The following TMEM245 variants were observed in gnomAD, a reference collection of about 807,000 sequenced individuals.
The protein encoded by TMEM245 is protein CG-2.
In TMEM245, 69 loss-of-function variants were observed where a neutral mutation model predicts 101.2. The ratio of observed to expected loss-of-function variants is 0.68; its 90% CI spans 0.56 to 0.83. The LOEUF (loss-of-function observed/expected upper bound fraction) is 0.83, where lower values mean the gene tolerates loss of function less well. Among genes scored for constraint, TMEM245 ranks in the 40% least tolerant of loss-of-function variants. The pLI, the probability that TMEM245 is intolerant of heterozygous loss-of-function variation, is 0.00. For missense variants in TMEM245, 1,075 were observed against 1,092.8 expected, an observed-to-expected ratio of 0.98 and a Z score of 0.23; for synonymous variants, 537 against 449.8, an observed-to-expected ratio of 1.19 and a Z score of -2.45.
intron 3 of TMEM245, among the ~76,000 whole-genome samples, 167 bp from the exon 4 acceptor site, chr9:109,093,758 G>T (rs914500056): frequency 3.3e-5 from 5 of 152,190 alleles, no homozygotes; most frequent in African/African-American, 1.2e-4. Flanking sequence ...TGACATGAAA[G>T]TGTGCTAAAA....
chr9:109,020,438 A>C lies in TMEM245; in HGVS notation c.*22T>G, dbSNP rs771719970. On this transcript the variant is annotated 3_prime_UTR_variant, in exon 18 of 18. Transcript: ENST00000374586. ...CTGTCAAATTTGAACTTCCTAGAAA[A>C]ATCACTGCAGAGGAAACCACATCAA... 2.5e-6 allele frequency: 4 copies of C among 1,613,306 alleles called. No individual in the cohort carries two copies. In the East Asian group the frequency reaches 8.9e-5, roughly 36 times the overall value.
At chr9:109,077,695 CTTTT>C (rs1205441772) in intron 8 of TMEM245, among the ~76,000 whole-genome samples, 2 of 152,158 alleles carry the variant, frequency 1.3e-5, no homozygotes, top group Admixed American at 6.5e-5. Flanking sequence ...AGCAATATTT[CTTTT>C]TGACAATCTA....
In TMEM245 at chr9:109,093,624, TA is replaced by T. The variant is rs746192375; in HGVS notation, c.800-34del. The stretch of plus-strand genomic sequence containing the variant: ...AGAAGCATCCATTTTCAAAACTCTT[TA>T]AAGTAGGAAATAATGGCTGCAAATT... On this transcript the variant is annotated intron_variant, in intron 3 of 17. Transcript: ENST00000374586. The T allele has an allele frequency of 3.9e-6, 6 of 1,553,250 alleles. No individual in the cohort carries two copies. The African/African-American group carries it at 8.1e-5, about 21-fold the overall frequency.
chr9:109,100,753 A>C (rs1371879199), intron 3 of TMEM245, among the ~76,000 whole-genome samples: 1 of 152,244 alleles, frequency 6.6e-6, no homozygotes, highest in East Asian at 1.9e-4. Flanking sequence ...TGAAGATACC[A>C]TCTATCTTAC....
intron 9 of TMEM245, among the ~76,000 whole-genome samples, chr9:109,070,119 A>G (rs1278041006): frequency 6.6e-6 from 1 of 152,106 alleles, no homozygotes; most frequent in African/African-American, 2.4e-5. Context: ...ACCTCCAGAC[A>G]TCCTCTCTGT....
intron 3 of TMEM245, among the ~76,000 whole-genome samples, chr9:109,100,209 CAAG>C (rs1409610764): frequency 2.0e-5 from 3 of 152,252 alleles, no homozygotes; most frequent in African/African-American, 4.8e-5. Context: ...ACAACTGATG[CAAG>C]AAGGATGAGT....
At chr9:109,106,684 A>C (rs1017335263) in intron 2 of TMEM245, 75 bp from the exon 3 acceptor site, 2 of 1,087,608 alleles carry the variant, frequency 1.8e-6, no homozygotes, top group Non-Finnish European at 2.7e-6. Flanking sequence ...TCAGTTTTGT[A>C]GTTTGACAGA....
chr9:109,079,780 GA>G lies in TMEM245; in HGVS notation c.1449+1058del, dbSNP rs796106627. On this transcript the variant is annotated intron_variant, in intron 8 of 17. Coordinates refer to ENST00000374586, the MANE Select transcript of TMEM245 (RefSeq NM_032012.4). ...TAGAAGTGTAGAAGAGAGGAGAAAG[GA>G]AAAAAAAAGACCATACTAATGAAAG... is the stretch of plus-strand genomic sequence containing the variant. 2.0e-3 allele frequency among the ~76,000 whole-genome samples: 299 copies of G among 147,998 alleles called. 3 individuals carry two copies. Among genetic ancestry groups the G allele is most frequent in the African/African-American group, 6.8e-3 (274 of 40,408 alleles).
intron 17 of TMEM245, among the ~76,000 whole-genome samples, chr9:109,027,411 G>T (rs1420881855): frequency 1.3e-5 from 2 of 152,124 alleles, no homozygotes; most frequent in Admixed American, 1.3e-4. Flanking sequence ...AAATGAGGGT[G>T]GGCATCCATC....
chr9:109,020,962 G>C (rs944085544), intron 17 of TMEM245, among the ~76,000 whole-genome samples: 1 of 152,208 alleles, frequency 6.6e-6, no homozygotes, highest in Non-Finnish European at 1.5e-5. Context: ...ATCCAACAGA[G>C]AGTCCAAGCT....
chr9:109,095,915 T>C (rs765266178), intron 3 of TMEM245, among the ~76,000 whole-genome samples: 6 of 152,190 alleles, frequency 3.9e-5, no homozygotes, highest in African/African-American at 1.2e-4. Context: ...AGGGGACCTA[T>C]AACGTATGGA....
Position 109,080,880 on chromosome 9 carries a change from C to T in TMEM245, c.1408G>A (p.Val470Met). 6.2e-7 allele frequency: 1 copy of T among 1,610,350 alleles called. No individual in the cohort carries two copies. Among genetic ancestry groups the T allele is most frequent in the African/African-American group, 1.3e-5 (1 of 74,902 alleles). Residue 470 changes from valine to methionine, a missense_variant, in exon 8 of 18, where the codon GTG (valine) becomes ATG (methionine). Physicochemically the swap from Val to Met is conservative, Grantham distance 21. Around this residue, in one of 2 missense-constraint regions of TMEM245, gnomAD observed 808 missense variants for 741.5 expected, o/e 1.09. Coordinates refer to ENST00000374586, the MANE Select transcript of TMEM245 (RefSeq NM_032012.4). Reference sequence around the variant, plus strand: ...AGGGCTAAAAGAAGAGTTCCTATCACTAACAAAAATATGATGAAAATGCTA... The same window carrying T: ...AGGGCTAAAAGAAGAGTTCCTATCATTAACAAAAATATGATGAAAATGCTA... Reference protein sequence around the residue: ...IISIFIIFLLVIGTLLLALLL... With the variant: ...IISIFIIFLLMIGTLLLALLL...
At chr9:109,118,729 C>A (rs1294537560) in intron 1 of TMEM245, among the ~76,000 whole-genome samples, 1 of 152,232 alleles carries the variant, frequency 6.6e-6, no homozygotes, top group East Asian at 1.9e-4. Flanking sequence ...GAAGCACAGG[C>A]AGCTCAGCAC....
At chr9:109,039,927 A>C (rs571547387) in intron 14 of TMEM245, among the ~76,000 whole-genome samples, 7 of 152,292 alleles carry the variant, frequency 4.6e-5, no homozygotes, top group Non-Finnish European at 2.9e-5. Context: ...TCCTTTCTTT[A>C]ACCTTATGTT....
At chr9:109,036,653 G>A (rs1310965297) in intron 15 of TMEM245, among the ~76,000 whole-genome samples, 1 of 152,130 alleles carries the variant, frequency 6.6e-6, no homozygotes, top group African/African-American at 2.4e-5. Flanking sequence ...GGGTTCTGTA[G>A]TTGCTACTAT....
chr9:109,084,316 G>A (rs985846869), intron 7 of TMEM245, among the ~76,000 whole-genome samples: 3 of 151,912 alleles, frequency 2.0e-5, no homozygotes, highest in Non-Finnish European at 4.4e-5. Context: ...GAATGTACCC[G>A]CTCAAAATCT....
intron 1 of TMEM245, among the ~76,000 whole-genome samples, chr9:109,111,645 C>G (rs1830570052): frequency 6.6e-6 from 1 of 152,144 alleles, no homozygotes; most frequent in Admixed American, 6.5e-5. Flanking sequence ...AAAATATTCA[C>G]TTGCCATTTA....
chr9:109,085,888 G>T, intron 7 of TMEM245, 109 bp downstream of exon 7: 1 of 1,254,696 alleles, frequency 8.0e-7, no homozygotes, highest in South Asian at 1.2e-5. Flanking sequence ...TTAAAACTTT[G>T]AAAACAAAAA....
At chr9:109,101,391 C>T (rs1164019778) in intron 3 of TMEM245, among the ~76,000 whole-genome samples, 2 of 152,136 alleles carry the variant, frequency 1.3e-5, no homozygotes, top group Non-Finnish European at 2.9e-5. Flanking sequence ...CCTGTACCTA[C>T]CTATATTACA....
Sources: allele counts gnomAD v4.1 joint callset (sites outside exome capture counted in the v4.1 genomes callset), GRCh38; gene constraint gnomAD v4.1.1; regional missense constraint gnomAD v4.1.1; transcripts MANE v1.5; gene names NCBI Gene and HGNC (gene_info 2026-07-23, HGNC 2026-07-21).